NAALADL2: variants seen among roughly 807,000 people sequenced by gnomAD.
NAALADL2 encodes the protein N-acetylated alpha-linked acidic dipeptidase like 2.
A neutral mutation model predicts 87.2 loss-of-function variants in NAALADL2; 76 were observed. That is an observed-to-expected ratio of 0.87 (90% CI 0.72 to 1.05). The LOEUF (loss-of-function observed/expected upper bound fraction) is 1.05, where lower values mean the gene tolerates loss of function less well. Ranked by LOEUF, NAALADL2 falls within the 50% of genes least tolerant of loss-of-function variation. NAALADL2 has a pLI of 0.00. For missense variants in NAALADL2, 1,089 were observed against 945.8 expected, an observed-to-expected ratio of 1.15 and a Z score of -1.99; for synonymous variants, 354 against 331.0, an observed-to-expected ratio of 1.07 and a Z score of -0.75.
intron 1 of NAALADL2, among the ~76,000 whole-genome samples, chr3:174,549,580 C>A (rs1036697198): frequency 6.6e-6 from 1 of 152,166 alleles, no homozygotes; most frequent in Non-Finnish European, 1.5e-5. Flanking sequence ...AGGGAGGTCA[C>A]AATCTAGGAG....
chr3:175,685,355 T>C (rs1458467591), intron 11 of NAALADL2, among the ~76,000 whole-genome samples: 2 of 152,012 alleles, frequency 1.3e-5, no homozygotes, highest in Non-Finnish European at 2.9e-5. Context: ...AATAGTAAAA[T>C]AAATGAGAAA....
intron 6 of NAALADL2, among the ~76,000 whole-genome samples, chr3:175,461,110 C>G (rs1177341550): frequency 6.6e-6 from 1 of 152,070 alleles, no homozygotes; most frequent in Non-Finnish European, 1.5e-5. Context: ...TGCATTTTTA[C>G]AGAGTGCTGA....
chr3:175,700,895 A>G (rs1002181698), intron 11 of NAALADL2, among the ~76,000 whole-genome samples: 2 of 152,144 alleles, frequency 1.3e-5, no homozygotes, highest in African/African-American at 4.8e-5. Flanking sequence ...AGGGAAAGGC[A>G]AAAGGGAGCA....
intron 9 of NAALADL2, among the ~76,000 whole-genome samples, chr3:175,573,102 G>A (rs1718334876): frequency 1.3e-5 from 2 of 152,056 alleles, no homozygotes; most frequent in African/African-American, 4.8e-5. Flanking sequence ...ATTTTTAATA[G>A]GCACATATTG....
chr3:175,312,106 G>A (rs1199702327), intron 4 of NAALADL2, among the ~76,000 whole-genome samples: 4 of 151,970 alleles, frequency 2.6e-5, no homozygotes, highest in South Asian at 2.1e-4. Flanking sequence ...ATTTTTAGTG[G>A]CATTCTTACA....
At chr3:174,452,452 A>G (rs1440207457) in intron 1 of NAALADL2, among the ~76,000 whole-genome samples, 1 of 152,126 alleles carries the variant, frequency 6.6e-6, no homozygotes, top group Non-Finnish European at 1.5e-5. Context: ...TGCTTCTGGT[A>G]TGTGTGAATG....
chr3:175,746,270 G>A (rs1745915698), intron 12 of NAALADL2, among the ~76,000 whole-genome samples: 1 of 144,530 alleles, frequency 6.9e-6, no homozygotes, highest in Admixed American at 6.9e-5. Context: ...AGCATTCCGT[G>A]TCCTGTTAGA....
rs541478227 is a variant in NAALADL2 at position 175,266,453 on chromosome 3, A to G, written c.939+9923A>G. 7.9e-5 allele frequency among the ~76,000 whole-genome samples: 12 copies of G among 151,752 alleles called. No individual in the cohort carries two copies. In the South Asian group the frequency reaches 1.2e-3, roughly 16 times the overall value. ...TAATATTCATAATTAAGGAAGAACC[A>G]CCAGAAAATCCTTTAGATAAAGTTA... On this transcript the variant is annotated intron_variant, in intron 4 of 13. Coordinates refer to ENST00000454872, the MANE Select transcript of NAALADL2 (RefSeq NM_207015.3).
At chr3:175,027,812 T>C (rs1032042457) in intron 1 of NAALADL2, among the ~76,000 whole-genome samples, 3 of 152,078 alleles carry the variant, frequency 2.0e-5, no homozygotes, top group Non-Finnish European at 4.4e-5. Context: ...ATTCAATACC[T>C]TGAAATGGCA....
At chr3:174,465,692 G>A (rs1206775345) in intron 1 of NAALADL2, among the ~76,000 whole-genome samples, 1 of 152,060 alleles carries the variant, frequency 6.6e-6, no homozygotes, top group Non-Finnish European at 1.5e-5. Context: ...TCTGAGCATA[G>A]AAAATATATT....
chr3:174,508,113 G>GGTTTTTTTTTTGTTT, intron 1 of NAALADL2, among the ~76,000 whole-genome samples: 1 of 92,960 alleles, frequency 1.1e-5, no homozygotes, highest in South Asian at 3.9e-4. Flanking sequence ...GATATCTAGT[G>GGTTTTTTTTTTGTTT]GTTTTTTTTT....
chr3:175,196,472 T>C (rs773575740), intron 2 of NAALADL2, among the ~76,000 whole-genome samples: 10 of 151,944 alleles, frequency 6.6e-5, no homozygotes, highest in Non-Finnish European at 1.0e-4. Context: ...CAGAAAATGC[T>C]TCTCCTGTTG....
chr3:175,486,648 C>G (rs2149333147), intron 9 of NAALADL2, among the ~76,000 whole-genome samples: 1 of 152,182 alleles, frequency 6.6e-6, no homozygotes, highest in Admixed American at 6.5e-5. Context: ...TAGAATGAAA[C>G]TTTTTAAATG....
intron 1 of NAALADL2, among the ~76,000 whole-genome samples, chr3:174,913,935 G>A (rs73174798): frequency 0.052 from 7,902 of 151,986 alleles, 263 homozygotes; most frequent in Middle Eastern, 0.1. Flanking sequence ...ATGAGTCCCA[G>A]CCTAAGAAAA....
Position 175,807,611 on chromosome 3 carries a change from G to T in NAALADL2, c.*4408G>T, listed in dbSNP as rs1259454613. ...TAAACTACCAATCCATATGTTGAGTGGAAAGGAAGTTGGCCCACATATTCC... is the reference window on the plus strand; with the variant it reads ...TAAACTACCAATCCATATGTTGAGTTGAAAGGAAGTTGGCCCACATATTCC... On this transcript the variant is annotated 3_prime_UTR_variant, in exon 14 of 14. Transcript: ENST00000454872. 7 of 151,802 alleles carry T rather than the reference G, an allele frequency of 4.6e-5. No homozygotes were observed. Among genetic ancestry groups the T allele is most frequent in the Admixed American group, 4.6e-4 (7 of 15,186 alleles). The allele number at this position is 151,802 out of a possible 1,614,324, so 9.4% of individuals were successfully genotyped here. A position where few individuals can be genotyped will look rare whatever the true frequency, so the allele number is the denominator to read the frequency against.
At chr3:175,722,757 C>T (rs1266287583) in intron 11 of NAALADL2, among the ~76,000 whole-genome samples, 1 of 152,030 alleles carries the variant, frequency 6.6e-6, no homozygotes, top group African/African-American at 2.4e-5. Context: ...ATCATCTATT[C>T]ACAGTTACAG....
chr3:175,246,162 A>G (rs533917882), intron 3 of NAALADL2, among the ~76,000 whole-genome samples: 1 of 152,332 alleles, frequency 6.6e-6, no homozygotes, highest in East Asian at 1.9e-4. Context: ...AGAAAGAAAG[A>G]AGGTAAACGT....
chr3:175,287,472 C>T (rs995309511), intron 4 of NAALADL2, among the ~76,000 whole-genome samples: 22 of 152,244 alleles, frequency 1.4e-4, no homozygotes, highest in African/African-American at 4.8e-4. Flanking sequence ...CTCATAACAA[C>T]CCATTGAAGG....
intron 2 of NAALADL2, chr3:174,551,001 A>G (rs1712058168): frequency 2.0e-5 from 3 of 151,618 alleles, no homozygotes; most frequent in Admixed American, 2.0e-4. Flanking sequence ...ATTTTATTTT[A>G]TTATTATTAT....
Sources: allele counts gnomAD v4.1 joint callset (sites outside exome capture counted in the v4.1 genomes callset), GRCh38; gene constraint gnomAD v4.1.1; transcripts MANE v1.5; gene names NCBI Gene and HGNC (gene_info 2026-07-23, HGNC 2026-07-21).